Variants in CTNND2 observed in about 807,000 individuals in gnomAD.
CTNND2 encodes catenin delta-2.
CTNND2 carries 22 observed loss-of-function variants against 144.4 expected under a neutral mutation model. The observed-to-expected ratio is 0.15, with a 90% confidence interval of 0.11 to 0.22. The LOEUF (loss-of-function observed/expected upper bound fraction) is 0.22, where lower values mean the gene tolerates loss of function less well. CTNND2 is among the 10% of genes least tolerant of loss of function. CTNND2 has a pLI of 1.00. For synonymous variants in CTNND2, 751 were observed against 695.6 expected (o/e 1.08, Z -1.25); for missense variants, 1,353 against 1,618.8 (o/e 0.84, Z 2.82).
chr5:11,019,774 T>C (rs1320305246), intron 17 of CTNND2, among the ~76,000 whole-genome samples: 1 of 152,250 alleles, frequency 6.6e-6, no homozygotes, highest in Non-Finnish European at 1.5e-5. Flanking sequence ...TTACTGACAG[T>C]AACAGTTAAG....
chr5:11,582,194 T>G (rs1239392709), intron 2 of CTNND2, among the ~76,000 whole-genome samples: 1 of 152,194 alleles, frequency 6.6e-6, no homozygotes, highest in Non-Finnish European at 1.5e-5. Context: ...CCTACTCATT[T>G]GGAAGGGATC....
chr5:11,698,902 TATA>T (rs1482438109), intron 2 of CTNND2, among the ~76,000 whole-genome samples: 4 of 151,134 alleles, frequency 2.6e-5, no homozygotes, highest in South Asian at 4.1e-4. Flanking sequence ...AAATATATAT[TATA>T]ATAATTGAAG....
chr5:11,026,229 T>C (rs1188626024), intron 16 of CTNND2, among the ~76,000 whole-genome samples: 1 of 152,132 alleles, frequency 6.6e-6, no homozygotes, highest in South Asian at 2.1e-4. Flanking sequence ...CCTCCTGTGT[T>C]TGAGCCTGGC....
chr5:11,418,724 A>G (rs1285611404), intron 3 of CTNND2, among the ~76,000 whole-genome samples: 3 of 152,174 alleles, frequency 2.0e-5, no homozygotes, highest in Admixed American at 2.0e-4. Flanking sequence ...ATTGGGAGAA[A>G]TAGAGTTTAT....
At chr5:11,538,747 C>G (rs367950072) in intron 3 of CTNND2, among the ~76,000 whole-genome samples, 95 of 152,232 alleles carry the variant, frequency 6.2e-4, no homozygotes, top group African/African-American at 2.0e-3. Context: ...GTGAAGAGCT[C>G]TTTCCTAATC....
At chr5:11,887,518 A>C (rs1192988375) in intron 1 of CTNND2, among the ~76,000 whole-genome samples, 1 of 151,836 alleles carries the variant, frequency 6.6e-6, no homozygotes, top group Non-Finnish European at 1.5e-5. Context: ...AAAAAAAAAA[A>C]CTTCTAGTGT....
chr5:11,654,801 T>A (rs1561661812), intron 2 of CTNND2, among the ~76,000 whole-genome samples: 2 of 152,184 alleles, frequency 1.3e-5, no homozygotes, highest in South Asian at 4.1e-4. Context: ...GTGGTAAGAA[T>A]GGGCATCCTT....
intron 11 of CTNND2, among the ~76,000 whole-genome samples, chr5:11,166,000 T>A (rs1300793526): frequency 6.6e-6 from 1 of 152,164 alleles, no homozygotes; most frequent in East Asian, 1.9e-4. Flanking sequence ...TGCTTTCAGC[T>A]CTTTAGACGT....
chr5:11,857,906 A>G (rs1174998414), intron 1 of CTNND2, among the ~76,000 whole-genome samples: 1 of 152,224 alleles, frequency 6.6e-6, no homozygotes, highest in Non-Finnish European at 1.5e-5. Context: ...AGGTCTGCCC[A>G]TGATCAGGAT....
intron 2 of CTNND2, among the ~76,000 whole-genome samples, chr5:11,591,407 C>T (rs1265483337): frequency 2.6e-5 from 4 of 152,188 alleles, no homozygotes; most frequent in African/African-American, 9.7e-5. Context: ...ACAACCCATA[C>T]ATTAGCTCCT....
At chr5:11,468,692 A>G (rs1766893569) in intron 3 of CTNND2, among the ~76,000 whole-genome samples, 1 of 151,992 alleles carries the variant, frequency 6.6e-6, no homozygotes, top group Non-Finnish European at 1.5e-5. Flanking sequence ...CAAATTTTAG[A>G]GTCTCTTATT....
At chr5:11,584,424 T>TGG (rs1554089391) in intron 2 of CTNND2, among the ~76,000 whole-genome samples, 5 of 116,772 alleles carry the variant, frequency 4.3e-5, no homozygotes, top group South Asian at 3.3e-4. Flanking sequence ...TATATTTTTT[T>TGG]TGGGGGGGGG....
intron 9 of CTNND2, among the ~76,000 whole-genome samples, chr5:11,307,465 G>A (rs1750363826): frequency 1.3e-5 from 2 of 152,128 alleles, no homozygotes. Flanking sequence ...GAGACTTCTT[G>A]TAAAAATATG....
intron 3 of CTNND2, among the ~76,000 whole-genome samples, chr5:11,507,855 C>T (rs918107765): frequency 3.3e-5 from 5 of 152,128 alleles, no homozygotes; most frequent in Admixed American, 6.6e-5. Flanking sequence ...CATGTTCCAC[C>T]GTCCTGGCGA....
At chr5:11,633,637 A>G (rs1178541555) in intron 2 of CTNND2, among the ~76,000 whole-genome samples, 3 of 151,944 alleles carry the variant, frequency 2.0e-5, no homozygotes, top group East Asian at 1.9e-4. Flanking sequence ...TTAGCCAGGC[A>G]TAGTGGTGGG....
At chr5:11,293,870 G>C (rs542809988) in intron 9 of CTNND2, among the ~76,000 whole-genome samples, 9 of 149,648 alleles carry the variant, frequency 6.0e-5, no homozygotes, top group African/African-American at 2.2e-4. Context: ...AGGCAAAGTT[G>C]TGAGTTGTGA....
chr5:11,580,487 C>T (rs1210829447), intron 2 of CTNND2, among the ~76,000 whole-genome samples: 1 of 152,156 alleles, frequency 6.6e-6, no homozygotes, highest in Admixed American at 6.5e-5. Context: ...ATGGGTACTG[C>T]ATATATTGTT....
chr5:11,751,230 C>A (rs1471398277), intron 1 of CTNND2, among the ~76,000 whole-genome samples: 1 of 151,766 alleles, frequency 6.6e-6, no homozygotes, highest in African/African-American at 2.4e-5. Context: ...GAAAAGACAG[C>A]TTGTTTCCAA....
chr5:11,839,249 T>C (rs770010317), intron 1 of CTNND2, among the ~76,000 whole-genome samples: 6 of 151,974 alleles, frequency 3.9e-5, no homozygotes, highest in Non-Finnish European at 5.9e-5. Flanking sequence ...AACTGAAGCA[T>C]ATTCCATCGA....
Sources: allele counts gnomAD v4.1 joint callset (sites outside exome capture counted in the v4.1 genomes callset), GRCh38; gene constraint gnomAD v4.1.1; transcripts MANE v1.5; gene names NCBI Gene and HGNC (gene_info 2026-07-23, HGNC 2026-07-21).